Variants in MADD observed in about 807,000 individuals in gnomAD.
MADD encodes the protein MAP kinase activating death domain.
Under a neutral mutation model 176.7 loss-of-function variants are expected in MADD, and 109 were observed. That is an observed-to-expected ratio of 0.62 (90% CI 0.53 to 0.72). The LOEUF (loss-of-function observed/expected upper bound fraction) is 0.72, where lower values mean the gene tolerates loss of function less well. Among genes scored for constraint, MADD ranks in the 30% least tolerant of loss-of-function variants. MADD has a pLI of 0.00. For synonymous variants in MADD, 771 were observed against 771.3 expected, an observed-to-expected ratio of 1.00 and a Z score of 0.01; for missense variants, 1,914 against 2,045.5, an observed-to-expected ratio of 0.94 and a Z score of 1.24.
intron 27 of MADD, among the ~76,000 whole-genome samples, chr11:47,322,891 G>A (rs2094732769): frequency 6.6e-6 from 1 of 152,126 alleles, no homozygotes; most frequent in Non-Finnish European, 1.5e-5. Context: ...CTTGTAAGAT[G>A]GAGGCATGAG....
intron 27 of MADD, among the ~76,000 whole-genome samples, chr11:47,316,391 T>C (rs10742800): frequency 0.29 from 33,497 of 113,652 alleles, 3,606 homozygotes; most frequent in East Asian, 0.56. Context: ...TTTTCTTTTT[T>C]TTTTTTTTTT....
intron 21 of MADD, 42 bp from the exon 24 acceptor site, chr11:47,295,855 C>T (rs2139302495): frequency 1.3e-6 from 2 of 1,574,096 alleles, no homozygotes; most frequent in African/African-American, 1.4e-5. Context: ...TTCTGGGGCC[C>T]ATCCCTGGGG....
chr11:47,289,305 A>C, intron 15 of MADD, 86 bp from the exon 17 acceptor site: 1 of 1,137,574 alleles, frequency 8.8e-7, no homozygotes. Flanking sequence ...AGGAACGGGC[A>C]TGGAACATGG....
rs758669111 is a variant in MADD, at chr11:47,308,655, C to T, written c.3707C>T (p.Ser1236Phe). ...CTGGCAGGCAGCCCCATTCGTACTTCTGAAGATGTGAGCCAGCGAGTCTAT... is the reference window on the plus strand; with the variant it reads ...CTGGCAGGCAGCCCCATTCGTACTTTTGAAGATGTGAGCCAGCGAGTCTAT... The change falls in exon 23 of 33, where the codon TCT (serine) becomes TTT (phenylalanine). Residue 1236 changes from serine to phenylalanine, a missense_variant. By Grantham distance (155) the Ser-to-Phe change is radical (BLOSUM62 -2). Transcript: ENST00000402192. 25 of 1,613,950 alleles carry T rather than the reference C, an allele frequency of 1.5e-5. No homozygotes were observed. Among genetic ancestry groups the T allele is most frequent in the African/African-American group, 2.7e-5 (2 of 74,900 alleles).
At chr11:47,291,600 G>A (rs1379633067) in intron 19 of MADD, among the ~76,000 whole-genome samples, 1 of 152,116 alleles carries the variant, frequency 6.6e-6, no homozygotes, top group Non-Finnish European at 1.5e-5. Flanking sequence ...TTCCTTTTTA[G>A]GGGAGCTACA....
At chr11:47,279,224 T>A in intron 7 of MADD, 145 bp downstream of exon 7, 1 of 692,486 alleles carries the variant, frequency 1.4e-6, no homozygotes, top group South Asian at 1.7e-5. Flanking sequence ...AAAACGCGTA[T>A]CCCATTTCTG....
chr11:47,322,193 G>A (rs1455616190), intron 27 of MADD, among the ~76,000 whole-genome samples: 3 of 152,158 alleles, frequency 2.0e-5, no homozygotes, highest in African/African-American at 7.2e-5. Context: ...GGACACAGAT[G>A]AACTTGCTCA....
rs1289054282 is a variant in MADD at position 47,286,073 on chromosome 11, G to A, written c.2552-360G>A. Among the ~76,000 whole-genome samples, 7 of 152,230 alleles carry A rather than the reference G, an allele frequency of 4.6e-5. No homozygotes were observed. In the East Asian group the frequency reaches 5.8e-4, roughly 13 times the overall value. ...AGACCATGGACTAGAGAGAGCGAAC[G>A]TAGAGGATCCCTGTGATTGTGAGTT... On this transcript the variant is annotated intron_variant, in intron 14 of 32. Coordinates refer to ENST00000402192, the Ensembl canonical transcript of MADD.
At chr11:47,282,551 C>T in exon 9 of MADD, 2 of 1,614,210 alleles carry the variant, frequency 1.2e-6, no homozygotes, top group East Asian at 2.2e-5. Flanking sequence ...AGGACTCAGG[C>T]TGTGGAGTAC....
At chr11:47,283,554 C>A (rs1330299074) in intron 10 of MADD, among the ~76,000 whole-genome samples, 1 of 151,974 alleles carries the variant, frequency 6.6e-6, no homozygotes, top group South Asian at 2.1e-4. Context: ...GGTGCTGCCA[C>A]CTTGCCTGGC....
chr11:47,316,894 C>T (rs539069669), intron 27 of MADD, among the ~76,000 whole-genome samples: 37 of 152,140 alleles, frequency 2.4e-4, no homozygotes, highest in Non-Finnish European at 4.7e-4. Context: ...CAGTCGCCCA[C>T]CACCATGCCC....
chr11:47,282,309 T>C, intron 8 of MADD, 72 bp from the exon 9 acceptor site: 2 of 1,221,516 alleles, frequency 1.6e-6, no homozygotes, highest in Non-Finnish European at 2.4e-6. Context: ...CTTTGGGAGG[T>C]GTTCTAAGAC....
Position 47,316,636 on chromosome 11 carries a change from G to A in MADD, c.4197+1309G>A, listed in dbSNP as rs547461477. On this transcript the variant is annotated intron_variant, in intron 27 of 32. Coordinates refer to ENST00000402192, the Ensembl canonical transcript of MADD. ...AACTCCTGACCTCACTGATCCACCC[G>A]CCTCGGCCTCCCAAAGTGCTGAGAT... Among the ~76,000 whole-genome samples, 10 of 151,720 alleles carry A rather than the reference G, an allele frequency of 6.6e-5. No homozygotes were observed. In the East Asian group the frequency reaches 1.2e-3, roughly 18 times the overall value.
chr11:47,328,565 A>G, intron 31 of MADD, 93 bp from the exon 36 acceptor site: 6 of 1,579,468 alleles, frequency 3.8e-6, no homozygotes, highest in Non-Finnish European at 5.2e-6. Context: ...GGGGAAGGGG[A>G]CCCTGACGCC....
chr11:47,306,579 T>TA (rs969869696), intron 22 of MADD, among the ~76,000 whole-genome samples: 91 of 152,162 alleles, frequency 6.0e-4, no homozygotes, highest in African/African-American at 2.1e-3. Flanking sequence ...TTGTCTTGCT[T>TA]ACTTCCTTGC....
chr11:47,319,727 G>A (rs1373055916), intron 27 of MADD, among the ~76,000 whole-genome samples: 1 of 152,058 alleles, frequency 6.6e-6, no homozygotes, highest in African/African-American at 2.4e-5. Flanking sequence ...TGGCTCACAT[G>A]AGCCTGTAAT....
At chr11:47,315,359 G>T in intron 27 of MADD, 32 bp downstream of exon 30, 2 of 1,387,138 alleles carry the variant, frequency 1.4e-6, no homozygotes, top group Non-Finnish European at 1.0e-6. Flanking sequence ...GGGCCCAAAG[G>T]GCTATTGAGA....
intron 27 of MADD, among the ~76,000 whole-genome samples, chr11:47,316,521 T>C (rs2093053336): frequency 6.6e-6 from 1 of 151,556 alleles, no homozygotes; most frequent in Non-Finnish European, 1.5e-5. Context: ...CCCAAGTAGC[T>C]GGGATTACAG....
At chr11:47,295,543 C>A (rs756724889) in exon 21 of MADD, 2 of 1,614,094 alleles carry the variant, frequency 1.2e-6, no homozygotes, top group Non-Finnish European at 1.7e-6. Flanking sequence ...CTGTTATGAT[C>A]CGCAGCTCAA....
Sources: gnomAD v4.1 joint callset for allele counts (sites outside exome capture counted in the v4.1 genomes callset) on GRCh38, gnomAD v4.1.1 for gene constraint, MANE v1.5 for transcripts, NCBI Gene and HGNC (gene_info 2026-07-23, HGNC 2026-07-21) for gene names.